Variants in MTFR1 observed in about 807,000 individuals in gnomAD.
MTFR1 encodes mitochondrial fission regulator 1.
MTFR1 carries 28 observed loss-of-function variants against 38.8 expected under a neutral mutation model. The observed-to-expected ratio is 0.72, with a 90% CI of 0.53 to 0.99. The LOEUF is 0.99. Ranked by LOEUF, MTFR1 falls within the 50% of genes least tolerant of loss-of-function variation. MTFR1 has a pLI of 0.00. For missense variants in MTFR1, 358 were observed against 395.5 expected (o/e 0.91, Z 0.81); for synonymous variants, 145 against 137.0 (o/e 1.06, Z -0.41).
At chr8:65,689,873 C>T (rs1381229788) in intron 3 of MTFR1, among the ~76,000 whole-genome samples, 3 of 152,152 alleles carry the variant, frequency 2.0e-5, no homozygotes, top group Non-Finnish European at 4.4e-5. Context: ...AATGCCAAAA[C>T]TATTTTGTTT....
chr8:65,742,943 A>G (rs1807507314), intron 3 of MTFR1, among the ~76,000 whole-genome samples: 1 of 152,210 alleles, frequency 6.6e-6, no homozygotes, highest in Admixed American at 6.5e-5. Flanking sequence ...TGCTTAGTTA[A>G]CTACTGTGGA....
intron 1 of MTFR1, among the ~76,000 whole-genome samples, chr8:65,660,543 A>G (rs1288243588): frequency 6.6e-6 from 1 of 152,198 alleles, no homozygotes; most frequent in Non-Finnish European, 1.5e-5. Context: ...GAGCTTGGAT[A>G]TCCCTCAGGC....
chr8:65,689,998 A>G (rs1805224494), intron 3 of MTFR1, among the ~76,000 whole-genome samples: 1 of 152,148 alleles, frequency 6.6e-6, no homozygotes, highest in Non-Finnish European at 1.5e-5. Context: ...ACTTGGTATC[A>G]TTTGCCTAAT....
chr8:65,773,697 ATTTAT>A (rs1247378565), downstream of MTFR1, among the ~76,000 whole-genome samples: 1 of 151,960 alleles, frequency 6.6e-6, no homozygotes. Context: ...TGTCTTTTAG[ATTTAT>A]TTTATTTGCT....
At chr8:65,673,238 G>A (rs553178232) in intron 2 of MTFR1, among the ~76,000 whole-genome samples, 1 of 152,194 alleles carries the variant, frequency 6.6e-6, no homozygotes, top group East Asian at 1.9e-4. Context: ...CTGAGATTGC[G>A]GAATAGCTGG....
the MTFR1 span, among the ~76,000 whole-genome samples, chr8:65,778,070 G>C: frequency 6.6e-6 from 1 of 152,186 alleles, no homozygotes; most frequent in Non-Finnish European, 1.5e-5. Flanking sequence ...ACAGATGGGA[G>C]ATTAAAAAGG....
At chr8:65,761,230 T>C (rs1808480808) in intron 3 of MTFR1, among the ~76,000 whole-genome samples, 1 of 152,074 alleles carries the variant, frequency 6.6e-6, no homozygotes, top group African/African-American at 2.4e-5. Flanking sequence ...CATGCCCAGC[T>C]AATGTTTGTA....
At chr8:65,764,809 G>A (rs1166460076) in intron 3 of MTFR1, among the ~76,000 whole-genome samples, 1 of 152,166 alleles carries the variant, frequency 6.6e-6, no homozygotes, top group African/African-American at 2.4e-5. Flanking sequence ...AAATACACAT[G>A]AGGAACTAAG....
At chr8:65,766,837 C>A (rs1396544434) in intron 3 of MTFR1, among the ~76,000 whole-genome samples, 1 of 152,174 alleles carries the variant, frequency 6.6e-6, no homozygotes, top group Non-Finnish European at 1.5e-5. Context: ...GACCACAAAT[C>A]TGTACCTTAA....
At chr8:65,658,695 T>C (rs67445866) in intron 1 of MTFR1, among the ~76,000 whole-genome samples, 29,199 of 152,156 alleles carry the variant, frequency 0.19, 2,964 homozygotes, top group Middle Eastern at 0.23. Flanking sequence ...TTAGCAATTT[T>C]TTTAAAAACC....
At chr8:65,767,374 A>T (rs184140568) in intron 3 of MTFR1, among the ~76,000 whole-genome samples, 1 of 152,372 alleles carries the variant, frequency 6.6e-6, no homozygotes, top group Non-Finnish European at 1.5e-5. Context: ...AGGTTGAATA[A>T]AAGTTTTTAA....
downstream of MTFR1, among the ~76,000 whole-genome samples, chr8:65,711,884 G>A (rs1344238505): frequency 6.6e-6 from 1 of 152,140 alleles, no homozygotes; most frequent in Admixed American, 6.5e-5. Context: ...CCTTCGATAA[G>A]GGCAGAGTAG....
intron 3 of MTFR1, among the ~76,000 whole-genome samples, chr8:65,750,491 T>TGTGC (rs1807887578): frequency 7.4e-6 from 1 of 134,718 alleles, no homozygotes; most frequent in Non-Finnish European, 1.5e-5. Flanking sequence ...TGTGTGTGTG[T>TGTGC]GTGTGTGTGT....
At chr8:65,683,029 G>C in intron 3 of MTFR1, 1 of 611,470 alleles carries the variant, frequency 1.6e-6, no homozygotes, top group African/African-American at 2.0e-5. Flanking sequence ...ACTTTTGAAG[G>C]TCTTAGTACA....
intron 3 of MTFR1, chr8:65,724,108 G>C: frequency 1.8e-6 from 1 of 552,500 alleles, no homozygotes; most frequent in Non-Finnish European, 3.2e-6. Context: ...AATTTGTATT[G>C]ATTAGATGTA....
At chr8:65,700,154 G>A (rs1301437286) in intron 4 of MTFR1, among the ~76,000 whole-genome samples, 2 of 151,640 alleles carry the variant, frequency 1.3e-5, no homozygotes, top group African/African-American at 2.4e-5. Context: ...AGTTCAAGAC[G>A]AGCCTGGGCA....
At chr8:65,706,693 CTTTG>C (rs1367354624) in intron 5 of MTFR1, among the ~76,000 whole-genome samples, 2 of 152,110 alleles carry the variant, frequency 1.3e-5, no homozygotes, top group Non-Finnish European at 2.9e-5. Context: ...TTTTGCAGTA[CTTTG>C]TTTTATATTT....
chr8:65,682,825 C>T (rs1299175855), intron 3 of MTFR1: 1 of 984,868 alleles, frequency 1.0e-6, no homozygotes, highest in Non-Finnish European at 1.2e-6. Flanking sequence ...CCACTCTGTT[C>T]CCCTGCTTTA....
At chr8:65,645,703 C>A (rs915735069) in intron 1 of MTFR1, among the ~76,000 whole-genome samples, 12 of 135,946 alleles carry the variant, frequency 8.8e-5, no homozygotes, top group African/African-American at 1.6e-4. Flanking sequence ...CCCCCCCCCC[C>A]CCCTTTGTAG....
Sources: allele counts gnomAD v4.1 joint callset (sites outside exome capture counted in the v4.1 genomes callset), GRCh38; gene constraint gnomAD v4.1.1; transcripts MANE v1.5; gene names NCBI Gene and HGNC (gene_info 2026-07-23, HGNC 2026-07-21).